The following CACNB4 variants were observed in gnomAD, a reference collection of about 807,000 sequenced individuals.
The protein encoded by CACNB4 is voltage-dependent L-type calcium channel subunit beta-4.
A neutral mutation model predicts 71.2 loss-of-function variants in CACNB4; 32 were observed. That is an observed-to-expected ratio of 0.45 (90% CI 0.34 to 0.60). The LOEUF (loss-of-function observed/expected upper bound fraction) is 0.60, where lower values mean the gene tolerates loss of function less well. Among genes scored for constraint, CACNB4 ranks in the 20% least tolerant of loss-of-function variants. The pLI is 0.01. For synonymous variants in CACNB4, 231 were observed against 236.9 expected (o/e 0.97, Z 0.23); for missense variants, 464 against 647.9 (o/e 0.72, Z 3.08).
At chr2:152,057,566 A>G (rs189856508) in intron 2 of CACNB4, among the ~76,000 whole-genome samples, 2 of 152,310 alleles carry the variant, frequency 1.3e-5, no homozygotes, top group East Asian at 1.9e-4. Context: ...AATACCGGAC[A>G]TTTAGTCTGT....
At chr2:151,992,753 TGG>T (rs1681781179) in intron 2 of CACNB4, among the ~76,000 whole-genome samples, 1 of 152,188 alleles carries the variant, frequency 6.6e-6, no homozygotes, top group Admixed American at 6.5e-5. Flanking sequence ...TCATTCCAAC[TGG>T]GACCCATTCA....
intron 11 of CACNB4, 23 bp downstream of exon 11, chr2:151,855,201 T>G (rs372874201): frequency 1.2e-5 from 18 of 1,503,154 alleles, no homozygotes; most frequent in Admixed American, 3.6e-5. Flanking sequence ...TTCTAAACCT[T>G]AAGGCAGAAA....
At chr2:152,088,184 C>CAA (rs1553836885) in intron 2 of CACNB4, among the ~76,000 whole-genome samples, 1 of 151,246 alleles carries the variant, frequency 6.6e-6, no homozygotes, top group Non-Finnish European at 1.5e-5. Flanking sequence ...CACACACACA[C>CAA]GGCAAATTAA....
Position 151,971,775 on chromosome 2 carries a change from CT to C in CACNB4, c.148-88406del, listed in dbSNP as rs2099872616. On this transcript the variant is annotated intron_variant, in intron 2 of 13. Transcript: ENST00000539935. ...CCCCTCCGAACATCTCTCTCTTCCC[CT>C]GATTTATGTGACACGGTTTCAATCC... 4 of 601,974 alleles carry C rather than the reference CT, an allele frequency of 6.6e-6. No homozygotes were observed. In the South Asian group the frequency reaches 7.7e-5, roughly 12 times the overall value. The allele number at this position is 601,974 out of a possible 1,614,324, so 37.3% of individuals were successfully genotyped here. A position where few individuals can be genotyped will look rare whatever the true frequency, so the allele number is the denominator to read the frequency against.
At position 152,052,261 on chromosome 2, in the gene CACNB4, T is replaced by C. The variant is rs1579204978; in HGVS notation, c.147+46069A>G. Among the ~76,000 whole-genome samples, 10 of 152,272 alleles carry C rather than the reference T, an allele frequency of 6.6e-5. 1 individual carries two copies. In the South Asian group the frequency reaches 1.7e-3, roughly 25 times the overall value. On this transcript the variant is annotated intron_variant, in intron 2 of 13. Coordinates refer to ENST00000539935, the MANE Select transcript of CACNB4 (RefSeq NM_000726.5). ...AGTATTGAATGTCTCATGTAATTCATTGAATACTGTACTAAAAGTGAAAAT... is the reference window on the plus strand; with the variant it reads ...AGTATTGAATGTCTCATGTAATTCACTGAATACTGTACTAAAAGTGAAAAT...
At chr2:151,976,264 G>A (rs1477290475) in intron 2 of CACNB4, among the ~76,000 whole-genome samples, 1 of 152,202 alleles carries the variant, frequency 6.6e-6, no homozygotes, top group Non-Finnish European at 1.5e-5. Context: ...TAAGAGGTGG[G>A]AAAACACCAG....
chr2:151,840,019 A>G (rs2099835777), intron 13 of CACNB4, among the ~76,000 whole-genome samples: 1 of 152,206 alleles, frequency 6.6e-6, no homozygotes, highest in East Asian at 1.9e-4. Context: ...TAATCTTCCA[A>G]TATAAACGAA....
intron 2 of CACNB4, among the ~76,000 whole-genome samples, chr2:151,958,050 A>G (rs983883809): frequency 2.6e-5 from 4 of 152,184 alleles, no homozygotes; most frequent in African/African-American, 9.7e-5. Flanking sequence ...ATCTTTTGAG[A>G]AAGGGACGGA....
chr2:151,943,281 G>A (rs540119810), intron 2 of CACNB4, among the ~76,000 whole-genome samples: 179 of 152,172 alleles, frequency 1.2e-3, no homozygotes, highest in Non-Finnish European at 2.1e-3. Flanking sequence ...TATTGGGGGA[G>A]GGTTCCCCCA....
intron 2 of CACNB4, among the ~76,000 whole-genome samples, chr2:151,912,015 AT>A (rs1289758104): frequency 1.3e-5 from 2 of 152,074 alleles, no homozygotes; most frequent in African/African-American, 4.8e-5. Flanking sequence ...CAGTGGGGAT[AT>A]CCCCTTTATC....
intron 2 of CACNB4, among the ~76,000 whole-genome samples, chr2:152,093,976 T>C (rs1162018066): frequency 1.3e-5 from 2 of 152,194 alleles, no homozygotes; most frequent in African/African-American, 4.8e-5. Flanking sequence ...ATCCACTGCT[T>C]CATTCATTCA....
intron 2 of CACNB4, among the ~76,000 whole-genome samples, chr2:152,035,602 TTTCTCTCTCTCTCTCTCCCTCCCTCTCC>T (rs1684522325): frequency 1.4e-5 from 2 of 142,036 alleles, no homozygotes; most frequent in East Asian, 2.1e-4. Context: ...TCTCTCTCTC[TTTCTCTCTCTCTCTCTCCCTCCCTCTCC>T]CTCTCTCTCT....
chr2:151,843,679 C>A (rs1652552409), intron 12 of CACNB4, among the ~76,000 whole-genome samples: 1 of 152,166 alleles, frequency 6.6e-6, no homozygotes, highest in African/African-American at 2.4e-5. Flanking sequence ...TTTATGAACT[C>A]ATTTTACCAA....
rs2099863660 is a variant in CACNB4, at chr2:151,939,183, GAA to G, written c.148-55815_148-55814del. Reference sequence around the variant, plus strand: ...CCAAAAAGCAGGAAGGCAGGGAGAAGAAAAGAGTCTACCCTCAGTTTTGACTT... The same window carrying G: ...CCAAAAAGCAGGAAGGCAGGGAGAAGAAGAGTCTACCCTCAGTTTTGACTT... On this transcript the variant is annotated intron_variant, in intron 2 of 13. Coordinates refer to ENST00000539935, the MANE Select transcript of CACNB4 (RefSeq NM_000726.5). 2.0e-5 allele frequency among the ~76,000 whole-genome samples: 3 copies of G among 152,336 alleles called. No individual in the cohort carries two copies. In the South Asian group the frequency reaches 6.2e-4, roughly 32 times the overall value.
intron 2 of CACNB4, among the ~76,000 whole-genome samples, chr2:152,071,703 G>A (rs566743144): frequency 6.6e-5 from 10 of 152,262 alleles, no homozygotes; most frequent in Non-Finnish European, 1.3e-4. Context: ...AACAAAATTA[G>A]AATTATGCAA....
At chr2:151,865,983 C>G (rs571156626) in intron 9 of CACNB4, 1 of 152,242 alleles carries the variant, frequency 6.6e-6, no homozygotes, top group East Asian at 1.9e-4. Flanking sequence ...TGAGGTTTCT[C>G]CATGTTGGTC....
chr2:151,904,563 G>T (rs928965342), intron 2 of CACNB4, among the ~76,000 whole-genome samples: 2 of 146,380 alleles, frequency 1.4e-5, no homozygotes, highest in African/African-American at 2.5e-5. Context: ...TTGAGACGGA[G>T]TCTCACTGTT....
chr2:151,897,358 C>T (rs555775674), intron 2 of CACNB4, among the ~76,000 whole-genome samples: 7 of 152,310 alleles, frequency 4.6e-5, no homozygotes, highest in African/African-American at 1.7e-4. Flanking sequence ...TTTGAATTGA[C>T]ATCAAAACAC....
chr2:151,957,711 A>C (rs2099868695), intron 2 of CACNB4, among the ~76,000 whole-genome samples: 1 of 152,180 alleles, frequency 6.6e-6, no homozygotes, highest in Non-Finnish European at 1.5e-5. Flanking sequence ...AAACTAACTG[A>C]ATCAAAGTCT....
Sources: gnomAD v4.1 joint callset for allele counts (sites outside exome capture counted in the v4.1 genomes callset) on GRCh38, gnomAD v4.1.1 for gene constraint, MANE v1.5 for transcripts, NCBI Gene and HGNC (gene_info 2026-07-23, HGNC 2026-07-21) for gene names.